The following SDCCAG8 variants were observed in gnomAD, a reference collection of about 807,000 sequenced individuals.
SDCCAG8 encodes serologically defined colon cancer antigen 8.
SDCCAG8 carries 74 observed loss-of-function variants against 101.8 expected under a neutral mutation model. That is an observed-to-expected ratio of 0.73 (90% confidence interval 0.60 to 0.88). The LOEUF is 0.88. Among genes scored for constraint, SDCCAG8 ranks in the 40% least tolerant of loss-of-function variants. The pLI, the probability that SDCCAG8 is intolerant of heterozygous loss-of-function variation, is 0.00. For synonymous variants in SDCCAG8, 281 were observed against 292.9 expected, an observed-to-expected ratio of 0.96 and a Z score of 0.41; for missense variants, 787 against 822.6, an observed-to-expected ratio of 0.96 and a Z score of 0.53.
intron 6 of SDCCAG8, among the ~76,000 whole-genome samples, chr1:243,294,696 T>TTCCCCCCCCCCC (rs796839957): frequency 3.2e-5 from 2 of 62,240 alleles, no homozygotes; most frequent in Non-Finnish European, 2.9e-5. Flanking sequence ...CTTTCTAAAT[T>TTCCCCCCCCCCC]CCCCCCCCCC....
chr1:243,488,983 C>T (rs1558541394), intron 16 of SDCCAG8, 31 bp from the exon 17 acceptor site: 2 of 1,613,148 alleles, frequency 1.2e-6, no homozygotes, highest in Non-Finnish European at 8.5e-7. Flanking sequence ...GACGTTATCC[C>T]TCTTTAATTC....
chr1:243,455,820 G>A lies in SDCCAG8; in HGVS notation c.1985+29262G>A, dbSNP rs563262128. Among the ~76,000 whole-genome samples, 33 of 152,282 alleles carry A rather than the reference G, an allele frequency of 2.2e-4. No homozygotes were observed. The South Asian group carries it at 6.8e-3, about 32-fold the overall frequency. On this transcript the variant is annotated intron_variant, in intron 16 of 17. Coordinates refer to ENST00000366541, the MANE Select transcript of SDCCAG8 (RefSeq NM_006642.5). ...AGTTCCCCTTGTAATGCATATAAACGTGATTTACTTTATTAGAACCCTCTG... is the reference window on the plus strand; with the variant it reads ...AGTTCCCCTTGTAATGCATATAAACATGATTTACTTTATTAGAACCCTCTG...
At chr1:243,414,845 ATGTGTGTGTGTGTGTG>A (rs35826806) in intron 13 of SDCCAG8, among the ~76,000 whole-genome samples, 3 of 148,862 alleles carry the variant, frequency 2.0e-5, no homozygotes, top group African/African-American at 4.9e-5. Context: ...CCATTCTAAT[ATGTGTGTGTGTGTGTG>A]TGTGTGTGTG....
chr1:243,317,701 C>T (rs968086760), intron 9 of SDCCAG8, among the ~76,000 whole-genome samples: 15 of 152,126 alleles, frequency 9.9e-5, no homozygotes, highest in African/African-American at 3.6e-4. Context: ...ACTTAGTGAT[C>T]GGACGGTGTT....
intron 16 of SDCCAG8, among the ~76,000 whole-genome samples, chr1:243,459,231 G>A (rs1169749813): frequency 6.6e-6 from 1 of 152,190 alleles, no homozygotes; most frequent in African/African-American, 2.4e-5. Context: ...GATTGAGGAA[G>A]TGGAGGCTCG....
At chr1:243,287,282 C>T (rs928455988) in intron 5 of SDCCAG8, among the ~76,000 whole-genome samples, 18 of 152,296 alleles carry the variant, frequency 1.2e-4, no homozygotes, top group Middle Eastern at 3.4e-3. Context: ...AGTTTTCATA[C>T]TTGCCTATTC....
At chr1:243,477,979 T>G (rs565693229) in intron 16 of SDCCAG8, among the ~76,000 whole-genome samples, 3 of 152,330 alleles carry the variant, frequency 2.0e-5, no homozygotes, top group African/African-American at 7.2e-5. Flanking sequence ...TTTATTGTAC[T>G]CCACAAAACC....
chr1:243,270,509 T>C (rs2149263428), intron 2 of SDCCAG8, among the ~76,000 whole-genome samples: 1 of 152,352 alleles, frequency 6.6e-6, no homozygotes, highest in East Asian at 1.9e-4. Flanking sequence ...CTTCGGCTCA[T>C]CTTTGTGTAC....
chr1:243,497,710 C>T (rs957574322), intron 17 of SDCCAG8, among the ~76,000 whole-genome samples: 2 of 152,216 alleles, frequency 1.3e-5, no homozygotes, highest in African/African-American at 2.4e-5. Flanking sequence ...TACGCCTATT[C>T]TGTATTGTGT....
chr1:243,309,497 GT>G (rs1336016828), intron 8 of SDCCAG8, among the ~76,000 whole-genome samples: 1 of 152,126 alleles, frequency 6.6e-6, no homozygotes, highest in African/African-American at 2.4e-5. Context: ...ACTCACTCAG[GT>G]TGGGGGTGAG....
chr1:243,473,921 G>C (rs1314624972), intron 16 of SDCCAG8, among the ~76,000 whole-genome samples: 10 of 15,112 alleles, frequency 6.6e-4, no homozygotes, highest in Non-Finnish European at 1.2e-3. Flanking sequence ...AGAGTTGCCG[G>C]CGGGGGGGGG....
At chr1:243,462,770 G>T (rs558045702) in intron 16 of SDCCAG8, among the ~76,000 whole-genome samples, 1 of 152,186 alleles carries the variant, frequency 6.6e-6, no homozygotes, top group Admixed American at 6.5e-5. Flanking sequence ...CCCAGCTGCT[G>T]CCAGTGAAAT....
intron 12 of SDCCAG8, among the ~76,000 whole-genome samples, chr1:243,345,999 C>T (rs1466405380): frequency 6.6e-6 from 1 of 152,114 alleles, no homozygotes. Flanking sequence ...GGAATAAAAC[C>T]TCTGAACAGT....
intron 6 of SDCCAG8, among the ~76,000 whole-genome samples, chr1:243,297,543 G>A (rs747606666): frequency 6.6e-6 from 1 of 151,738 alleles, no homozygotes; most frequent in Non-Finnish European, 1.5e-5. Flanking sequence ...CCATACAAGG[G>A]GTTTTATCAG....
At chr1:243,328,486 T>G (rs1255254431) in intron 9 of SDCCAG8, among the ~76,000 whole-genome samples, 1 of 151,890 alleles carries the variant, frequency 6.6e-6, no homozygotes, top group Non-Finnish European at 1.5e-5. Context: ...CATGTTGGCC[T>G]GGCTGGTCTC....
At chr1:243,388,991 C>T (rs185389363) in intron 13 of SDCCAG8, among the ~76,000 whole-genome samples, 14 of 149,546 alleles carry the variant, frequency 9.4e-5, no homozygotes, top group Admixed American at 3.3e-4. Context: ...CGTGGTGGTG[C>T]GTGCCTGAGT....
chr1:243,479,884 AT>A (rs763092646), intron 16 of SDCCAG8, among the ~76,000 whole-genome samples: 7 of 152,060 alleles, frequency 4.6e-5, no homozygotes, highest in South Asian at 2.1e-4. Context: ...ATGCTTAAGA[AT>A]TCATCAGAGT....
At chr1:243,469,376 T>G (rs966562527) in intron 16 of SDCCAG8, among the ~76,000 whole-genome samples, 4 of 152,200 alleles carry the variant, frequency 2.6e-5, no homozygotes, top group Non-Finnish European at 5.9e-5. Flanking sequence ...CCCTTGGCTA[T>G]GAAGGCAGTT....
chr1:243,407,538 T>C (rs1009853845), intron 13 of SDCCAG8, among the ~76,000 whole-genome samples: 2 of 152,220 alleles, frequency 1.3e-5, no homozygotes, highest in African/African-American at 4.8e-5. Context: ...GCATATGTAA[T>C]AGAAACAGGC....
Sources: allele counts gnomAD v4.1 joint callset (sites outside exome capture counted in the v4.1 genomes callset), GRCh38; gene constraint gnomAD v4.1.1; transcripts MANE v1.5; gene names NCBI Gene and HGNC (gene_info 2026-07-23, HGNC 2026-07-21).